ZFAND3: variants seen among roughly 807,000 people sequenced by gnomAD.
The protein encoded by ZFAND3 is AN1-type zinc finger protein 3.
In ZFAND3, 10 loss-of-function variants were observed where a neutral mutation model predicts 29.6. That is an observed-to-expected ratio of 0.34 (90% confidence interval 0.21 to 0.57). ZFAND3 has a LOEUF of 0.57. Ranked by LOEUF, ZFAND3 falls within the 20% of genes least tolerant of loss-of-function variation. The pLI is 0.86. For missense variants in ZFAND3, 230 were observed against 304.5 expected, an observed-to-expected ratio of 0.76 and a Z score of 1.82; for synonymous variants, 128 against 112.6, an observed-to-expected ratio of 1.14 and a Z score of -0.87.
chr6:37,903,655 A>G (rs74692117), intron 1 of ZFAND3, among the ~76,000 whole-genome samples: 3,646 of 152,300 alleles, frequency 0.024, 164 homozygotes, highest in African/African-American at 0.082. Flanking sequence ...GAGAATTTCA[A>G]AGTCATCAGT....
At chr6:37,915,432 T>TCTC (rs1358811761) in intron 1 of ZFAND3, 2 of 152,240 alleles carry the variant, frequency 1.3e-5, no homozygotes, top group African/African-American at 4.8e-5. Flanking sequence ...AACATGCCTT[T>TCTC]CTCACTAAGC....
chr6:38,018,926 C>T (rs904389210), intron 2 of ZFAND3, among the ~76,000 whole-genome samples: 5 of 152,066 alleles, frequency 3.3e-5, no homozygotes, highest in African/African-American at 1.2e-4. Context: ...GTCCATTCTC[C>T]TGGCAGCAGA....
chr6:38,124,842 AGCGAGGGCT>A (rs531351805), intron 5 of ZFAND3, among the ~76,000 whole-genome samples: 8 of 152,314 alleles, frequency 5.3e-5, no homozygotes, highest in South Asian at 4.1e-4. Flanking sequence ...GCCAAGAGTG[AGCGAGGGCT>A]GCGAGGGCTG....
intron 1 of ZFAND3, among the ~76,000 whole-genome samples, chr6:37,925,159 A>G (rs531788128): frequency 1.3e-5 from 2 of 152,298 alleles, no homozygotes; most frequent in South Asian, 2.1e-4. Context: ...AAGCAAGAAA[A>G]TAACACGCTC....
intron 2 of ZFAND3, among the ~76,000 whole-genome samples, chr6:37,992,215 A>G (rs1028930323): frequency 1.5e-4 from 23 of 152,190 alleles, no homozygotes; most frequent in African/African-American, 5.3e-4. Flanking sequence ...TCCTATGCTT[A>G]CAAAAAAAGG....
intron 1 of ZFAND3, among the ~76,000 whole-genome samples, chr6:37,894,196 A>G (rs1283714518): frequency 2.0e-5 from 3 of 152,114 alleles, no homozygotes; most frequent in Non-Finnish European, 4.4e-5. Context: ...TGGAGGTTGC[A>G]GTGAGCTGAG....
intron 1 of ZFAND3, among the ~76,000 whole-genome samples, chr6:37,838,445 A>G (rs1175285312): frequency 6.6e-6 from 1 of 152,180 alleles, no homozygotes; most frequent in African/African-American, 2.4e-5. Context: ...ATTCAAGACA[A>G]TTTCATCACT....
At chr6:38,042,010 G>A (rs576459456) in intron 2 of ZFAND3, among the ~76,000 whole-genome samples, 2 of 148,490 alleles carry the variant, frequency 1.3e-5, no homozygotes, top group Admixed American at 1.3e-4. Context: ...TTTTTTTTGG[G>A]GGGGAGGGGG....
intron 1 of ZFAND3, among the ~76,000 whole-genome samples, chr6:37,854,360 G>A (rs1178820751): frequency 6.6e-6 from 1 of 152,122 alleles, no homozygotes; most frequent in Non-Finnish European, 1.5e-5. Flanking sequence ...ATGAATTCAG[G>A]TGAAAAGCAT....
chr6:38,123,225 G>A (rs4714127), intron 5 of ZFAND3, among the ~76,000 whole-genome samples: 4,758 of 152,266 alleles, frequency 0.031, 225 homozygotes, highest in Admixed American at 0.12. Flanking sequence ...CATTGCAGGG[G>A]GCTACACAAT....
intron 1 of ZFAND3, among the ~76,000 whole-genome samples, chr6:37,878,862 G>A (rs371842536): frequency 6.6e-6 from 1 of 152,184 alleles, no homozygotes; most frequent in Non-Finnish European, 1.5e-5. Flanking sequence ...CAATCTCCGT[G>A]TTCCTGGTGA....
intron 4 of ZFAND3, among the ~76,000 whole-genome samples, chr6:38,101,972 A>G (rs78797957): frequency 6.6e-6 from 1 of 152,114 alleles, no homozygotes; most frequent in African/African-American, 2.4e-5. Context: ...AAACGTTCAA[A>G]CATTTCCCCC....
At chr6:38,149,775 A>G (rs1766184611) in intron 5 of ZFAND3, among the ~76,000 whole-genome samples, 1 of 152,190 alleles carries the variant, frequency 6.6e-6, no homozygotes, top group South Asian at 2.1e-4. Flanking sequence ...CTGAGCCAGG[A>G]GCCAAGTTAA....
chr6:37,969,129 T>C (rs920396544), intron 2 of ZFAND3, among the ~76,000 whole-genome samples: 3 of 152,220 alleles, frequency 2.0e-5, no homozygotes, highest in African/African-American at 7.2e-5. Flanking sequence ...GTTAAGTGTT[T>C]GTGTGTCTAA....
In ZFAND3 at chr6:37,985,499, C is replaced by CCACACACACACACACACACACACACACA. The variant is rs5875607; in HGVS notation, c.112+55502_112+55529dup. ...CGCCTGGTGGCACGTGCTTGTGGTT[C>CCACACACACACACACACACACACACACA]CACACACACACACACACACACACAC... On this transcript the variant is annotated intron_variant, in intron 2 of 5. Transcript: ENST00000287218. Among the ~76,000 whole-genome samples the CCACACACACACACACACACACACACACA allele has an allele frequency of 3.5e-5, 5 of 141,702 alleles. No homozygotes were observed. In the East Asian group the frequency reaches 1.0e-3, roughly 29 times the overall value. The allele number at this position is 141,702 out of a possible 152,430, so 93.0% of individuals were successfully genotyped here.
intron 1 of ZFAND3, among the ~76,000 whole-genome samples, chr6:37,883,106 C>T (rs1764926438): frequency 1.3e-5 from 2 of 152,118 alleles, no homozygotes; most frequent in Non-Finnish European, 2.9e-5. Context: ...ACCTGTAGTC[C>T]TAGCCACTTG....
chr6:37,991,194 T>A (rs1581819372), intron 2 of ZFAND3, among the ~76,000 whole-genome samples: 1 of 152,152 alleles, frequency 6.6e-6, no homozygotes, highest in East Asian at 1.9e-4. Flanking sequence ...TAACATTGGT[T>A]TCCAGAACTC....
chr6:38,147,623 G>T (rs1346661074), intron 5 of ZFAND3, among the ~76,000 whole-genome samples: 1 of 152,184 alleles, frequency 6.6e-6, no homozygotes, highest in Non-Finnish European at 1.5e-5. Context: ...CCTTTTCTCT[G>T]CATCCTCGCC....
chr6:38,039,547 A>T (rs1202501542), intron 2 of ZFAND3, among the ~76,000 whole-genome samples: 1 of 152,250 alleles, frequency 6.6e-6, no homozygotes, highest in African/African-American at 2.4e-5. Context: ...AAATGCATAA[A>T]TTAGATGCAT....
Sources: allele counts gnomAD v4.1 joint callset (sites outside exome capture counted in the v4.1 genomes callset), GRCh38; gene constraint gnomAD v4.1.1; transcripts MANE v1.5; gene names NCBI Gene and HGNC (gene_info 2026-07-23, HGNC 2026-07-21).